KLF13: variants seen among roughly 807,000 people sequenced by gnomAD.
KLF13 encodes the protein KLF transcription factor 13.
In KLF13, 8 loss-of-function variants were observed where a neutral mutation model predicts 16.7. The observed-to-expected ratio is 0.48, with a 90% confidence interval of 0.28 to 0.87. KLF13 has a LOEUF of 0.87. Ranked by LOEUF, KLF13 falls within the 40% of genes least tolerant of loss-of-function variation. The pLI, the probability that KLF13 is intolerant of heterozygous loss-of-function variation, is 0.10. For synonymous variants in KLF13, 245 were observed against 208.4 expected (o/e 1.18, Z -1.51); for missense variants, 447 against 452.2 (o/e 0.99, Z 0.10).
chr15:31,353,924 A>G (rs1054785286), intron 1 of KLF13, among the ~76,000 whole-genome samples: 1 of 152,194 alleles, frequency 6.6e-6, no homozygotes, highest in African/African-American at 2.4e-5. Context: ...GGGAAAAAGT[A>G]CACCCCCACA....
At chr15:31,405,715 C>G (rs777599309), downstream of KLF13, among the ~76,000 whole-genome samples, 2 of 152,194 alleles carry the variant, frequency 1.3e-5, no homozygotes, top group African/African-American at 4.8e-5. Context: ...GTCAAGCCAG[C>G]CTTCCCAGGA....
At chr15:31,346,431 A>G (rs1246025280) in intron 1 of KLF13, among the ~76,000 whole-genome samples, 1 of 152,106 alleles carries the variant, frequency 6.6e-6, no homozygotes, top group African/African-American at 2.4e-5. Context: ...CGCTGTTACC[A>G]GTATTCAGCC....
At chr15:31,348,250 GA>G (rs2039157758) in intron 1 of KLF13, among the ~76,000 whole-genome samples, 1 of 152,100 alleles carries the variant, frequency 6.6e-6, no homozygotes, top group Non-Finnish European at 1.5e-5. Flanking sequence ...GAGAGAGCAG[GA>G]GCACAGGCGC....
chr15:31,336,101 G>A (rs1272577177), intron 1 of KLF13, among the ~76,000 whole-genome samples: 1 of 152,248 alleles, frequency 6.6e-6, no homozygotes, highest in Non-Finnish European at 1.5e-5. Context: ...GCGTACACTG[G>A]ACACACATGG....
At chr15:31,402,824 A>G (rs901258738) in intron 2 of KLF13, among the ~76,000 whole-genome samples, 1 of 152,128 alleles carries the variant, frequency 6.6e-6, no homozygotes, top group African/African-American at 2.4e-5. Context: ...CAACAGCAGT[A>G]TATGGGTCTT....
intron 1 of KLF13, among the ~76,000 whole-genome samples, chr15:31,423,859 A>G (rs1405922022): frequency 6.6e-6 from 1 of 152,232 alleles, no homozygotes; most frequent in Admixed American, 6.5e-5. Context: ...TAGCAAAAGG[A>G]AAACGGGTAG....
intron 1 of KLF13, among the ~76,000 whole-genome samples, chr15:31,347,274 C>T (rs938543904): frequency 3.9e-5 from 6 of 152,288 alleles, no homozygotes; most frequent in African/African-American, 1.4e-4. Flanking sequence ...CTGAGCCCCA[C>T]TGGGACAGCA....
At chr15:31,333,629 C>T (rs1305639506) in intron 1 of KLF13, among the ~76,000 whole-genome samples, 3 of 152,092 alleles carry the variant, frequency 2.0e-5, no homozygotes, top group Non-Finnish European at 4.4e-5. Context: ...TCTCGCCTCT[C>T]TCTTTAAATA....
chr15:31,350,648 TCAC>T (rs1387794229), intron 1 of KLF13, among the ~76,000 whole-genome samples: 5 of 152,242 alleles, frequency 3.3e-5, no homozygotes, highest in African/African-American at 1.2e-4. Flanking sequence ...TGGCCCAACT[TCAC>T]CCCCTTTTTT....
intron 1 of KLF13, among the ~76,000 whole-genome samples, chr15:31,423,080 CAT>C (rs1211143135): frequency 9.1e-6 from 1 of 109,974 alleles, no homozygotes; most frequent in Non-Finnish European, 1.8e-5. Context: ...ATAACAATTA[CAT>C]ATATATACGT....
In KLF13 at chr15:31,403,224, C is replaced by T. The variant is rs138003443; in HGVS notation, n.530-204C>T. Among the ~76,000 whole-genome samples the T allele has an allele frequency of 2.8e-3, 431 of 152,256 alleles. 1 individual carries two copies. Among genetic ancestry groups the T allele is most frequent in the African/African-American group, 9.9e-3 (413 of 41,528 alleles). ...TGGGGCAAGATCTTTTGCTCTGGTCCGGATAACTCTGGGCAATATACTCCA... is the reference window on the plus strand; with the variant it reads ...TGGGGCAAGATCTTTTGCTCTGGTCTGGATAACTCTGGGCAATATACTCCA... On this transcript the variant is annotated intron_variant and non_coding_transcript_variant, in intron 2 of 2. Transcript: ENST00000500533.
rs1313605961 is a variant in KLF13 at position 31,327,669 on chromosome 15, C to T, written c.457C>T (p.Arg153Trp). The T allele has an allele frequency of 7.3e-6, 11 of 1,506,840 alleles. No homozygotes were observed. The highest frequency in any genetic ancestry group is 1.5e-5 in the African/African-American group (1 of 68,738). The allele number at this position is 1,506,840 out of a possible 1,614,324, so 93.3% of individuals were successfully genotyped here. The change falls in exon 1 of 2, where the codon CGG becomes TGG. Residue 153 changes from arginine (R) to tryptophan (W), a missense_variant. Arg to Trp is a moderately radical substitution (Grantham distance 101). Transcript: ENST00000307145. Reference protein sequence around the residue: ...GEPGLRQRVRRGRSRADLESP... With the variant: ...GEPGLRQRVRWGRSRADLESP... ...GCCCGGCCTCAGACAAAGGGTCCGGCGGGGCCGAAGTCGCGCCGACCTCGA... is the reference window on the plus strand; with the variant it reads ...GCCCGGCCTCAGACAAAGGGTCCGGTGGGGCCGAAGTCGCGCCGACCTCGA...
rs1270602070 is a variant in KLF13 at position 31,396,142 on chromosome 15, C to T, written n.529+2451C>T. 2.6e-5 allele frequency among the ~76,000 whole-genome samples: 4 copies of T among 152,204 alleles called. No homozygotes were observed. The East Asian group carries it at 7.7e-4, about 29-fold the overall frequency. On this transcript the variant is annotated intron_variant and non_coding_transcript_variant, in intron 2 of 2. Transcript: ENST00000500533. ...CTGGGTTCAAGAGATTCTCCTGCCT[C>T]AGCCTCTTGAGTAGCTGGGATTACA...
intron 1 of KLF13, among the ~76,000 whole-genome samples, chr15:31,356,645 CTG>C (rs1443189000): frequency 6.6e-6 from 1 of 152,246 alleles, no homozygotes; most frequent in Non-Finnish European, 1.5e-5. Flanking sequence ...GCTTATATGT[CTG>C]GAAATGTCTT....
chr15:31,382,941 G>C (rs369626792), intron 1 of KLF13, among the ~76,000 whole-genome samples: 4 of 152,344 alleles, frequency 2.6e-5, no homozygotes, highest in East Asian at 1.9e-4. Flanking sequence ...CCCAGCTCCA[G>C]GGCTCATTCT....
At chr15:31,397,506 T>G (rs988531863) in intron 2 of KLF13, among the ~76,000 whole-genome samples, 1 of 152,188 alleles carries the variant, frequency 6.6e-6, no homozygotes, top group African/African-American at 2.4e-5. Context: ...CTGCCAACGT[T>G]GTCTGTCCTC....
At chr15:31,369,699 G>C (rs1023212278) in intron 1 of KLF13, among the ~76,000 whole-genome samples, 41 of 152,114 alleles carry the variant, frequency 2.7e-4, no homozygotes, top group African/African-American at 9.9e-4. Flanking sequence ...CGGGGTCTCT[G>C]CCTCACTCTT....
intron 1 of KLF13, among the ~76,000 whole-genome samples, chr15:31,336,373 C>G (rs2038930625): frequency 6.6e-6 from 1 of 152,096 alleles, no homozygotes; most frequent in Admixed American, 6.5e-5. Context: ...ATGGGGAGGC[C>G]AAGTGTCCTG....
chr15:31,428,969 T>C (rs1447845470), intron 1 of KLF13, among the ~76,000 whole-genome samples: 1 of 152,084 alleles, frequency 6.6e-6, no homozygotes, highest in Non-Finnish European at 1.5e-5. Context: ...ATTCAGACAA[T>C]GTGTAGTTGG....
Sources: gnomAD v4.1 joint callset for allele counts (sites outside exome capture counted in the v4.1 genomes callset) on GRCh38, gnomAD v4.1.1 for gene constraint, MANE v1.5 for transcripts, NCBI Gene and HGNC (gene_info 2026-07-23, HGNC 2026-07-21) for gene names.